Variants in PTPN23 observed in about 807,000 individuals in gnomAD.
PTPN23 encodes the protein tyrosine-protein phosphatase non-receptor type 23.
A neutral mutation model predicts 156.3 loss-of-function variants in PTPN23; 72 were observed. The observed-to-expected ratio is 0.46, with a 90% confidence interval of 0.38 to 0.56. The LOEUF is 0.56. Ranked by LOEUF, PTPN23 falls within the 20% of genes least tolerant of loss-of-function variation. The pLI is 0.00. For synonymous variants in PTPN23, 957 were observed against 899.6 expected (o/e 1.06, Z -1.14); for missense variants, 1,974 against 2,171.5 (o/e 0.91, Z 1.81).
At position 47,397,129 on chromosome 3, in the gene PTPN23, G is replaced by A. The variant is rs997836364; in HGVS notation, c.159+912G>A. Among the ~76,000 whole-genome samples the A allele has an allele frequency of 2.0e-5, 3 of 152,142 alleles. No individual in the cohort carries two copies. In the South Asian group the frequency reaches 6.2e-4, roughly 32 times the overall value. ...CACACGGAACATTTATAAGTCTGCC[G>A]TCTTCTATGGGTGCAATTCATGGCA... is the stretch of plus-strand genomic sequence containing the variant. On this transcript the variant is annotated intron_variant, in intron 2 of 24. Transcript: ENST00000265562.
At chr3:47,398,567 T>G (rs942341186) in intron 2 of PTPN23, among the ~76,000 whole-genome samples, 6 of 151,808 alleles carry the variant, frequency 4.0e-5, no homozygotes, top group African/African-American at 9.7e-5. Flanking sequence ...ACTTAAAGTT[T>G]TTTTTTTTTT....
chr3:47,404,832 G>A, intron 3 of PTPN23, 53 bp downstream of exon 3: 3 of 1,596,132 alleles, frequency 1.9e-6, no homozygotes, highest in Non-Finnish European at 2.6e-6. Flanking sequence ...GGGTGGTGGG[G>A]GTGCTCCTCC....
intron 1 of PTPN23, among the ~76,000 whole-genome samples, chr3:47,382,081 A>C (rs1198157381): frequency 6.6e-6 from 1 of 152,210 alleles, no homozygotes; most frequent in Non-Finnish European, 1.5e-5. Flanking sequence ...TAGATGGTGC[A>C]CCACTTAGCG....
intron 1 of PTPN23, among the ~76,000 whole-genome samples, chr3:47,393,566 G>A (rs543148061): frequency 3.3e-5 from 5 of 152,206 alleles, no homozygotes; most frequent in Admixed American, 2.0e-4. Flanking sequence ...CACTTTTCCC[G>A]GACACATCTC....
rs1245282528 is a variant in PTPN23 at position 47,412,283 on chromosome 3, C to G, written c.4179C>G (p.Ser1393Arg). ...PLHTPIIVHC[S>R]SGVGRTGAFA... The stretch of plus-strand genomic sequence containing the variant: ...GCCTCATAACCCCTTCTTGGCACAG[C>G]TCTGGTGTGGGCCGCACGGGAGCCT... Residue 1393 changes from serine to arginine, a missense_variant and splice_region_variant, in exon 23 of 25, where the codon AGC becomes AGG. Physicochemically the swap from Ser to Arg is moderately radical, Grantham distance 110 (BLOSUM62 -1). Around this residue, in one of 4 missense-constraint regions of PTPN23, gnomAD observed 484 missense variants for 516.0 expected, o/e 0.94. Coordinates refer to ENST00000265562, the MANE Select transcript of PTPN23 (RefSeq NM_015466.4). The G allele has an allele frequency of 6.2e-7, 1 of 1,613,218 alleles. No individual in the cohort carries two copies. Among genetic ancestry groups the G allele is most frequent in the South Asian group, 1.1e-5 (1 of 91,076 alleles).
At position 47,410,721 on chromosome 3, in the gene PTPN23, C is replaced by T; in HGVS notation, c.2923C>T (p.Pro975Ser). 1.3e-6 allele frequency: 2 copies of T among 1,584,952 alleles called. No individual in the cohort carries two copies. Among genetic ancestry groups the T allele is most frequent in the Non-Finnish European group, 1.7e-6 (2 of 1,165,874 alleles). The part of the protein sequence containing the change: ...QAFGPQPPQQ[P>S]LPLQHPHLFP... ...GTTTGGGCCTCAGCCCCCACAGCAG[C>T]CCCTTCCACTCCAGCATCCACATCT... Residue 975 changes from proline (P) to serine (S), a missense_variant, in exon 20 of 25, where the codon CCC becomes TCC. Physicochemically the swap from Pro to Ser is moderately conservative, Grantham distance 74. Transcript: ENST00000265562.
At position 47,410,046 on chromosome 3, in the gene PTPN23, CCT is replaced by C. The variant is rs767366095; in HGVS notation, c.2249_2250del (p.Pro750ArgfsTer10). The C allele has an allele frequency of 8.7e-6, 14 of 1,611,524 alleles. No individual in the cohort carries two copies. Among genetic ancestry groups the C allele is most frequent in the African/African-American group, 2.7e-5 (2 of 74,858 alleles). ...CCCTGAGGAGCTGCGCAGCCTCCCC[CCT>C]GACATGGTGGCTGGCCCACGACTGC... ...DPPEELRSLP[P>X]DMVAGPRLPD... On this transcript the variant is annotated frameshift_variant, in exon 20 of 25. Transcript: ENST00000265562. LOFTEE classifies it high-confidence loss of function.
chr3:47,408,080 C>A, intron 14 of PTPN23, 125 bp downstream of exon 14: 1 of 1,230,330 alleles, frequency 8.1e-7, no homozygotes, highest in Non-Finnish European at 1.2e-6. Flanking sequence ...CCCAATGCTG[C>A]CTTCCCGCCT....
Position 47,407,074 on chromosome 3 carries a change from G to A in PTPN23, c.808-56G>A. The A allele has an allele frequency of 6.2e-7, 1 of 1,609,218 alleles. No individual in the cohort carries two copies. Among genetic ancestry groups the A allele is most frequent in the South Asian group, 1.1e-5 (1 of 90,918 alleles). On this transcript the variant is annotated intron_variant, in intron 9 of 24. Transcript: ENST00000265562. The surrounding 1 kb of genome is among the most constrained non-coding windows in gnomAD (Gnocchi z 4.0). ...AGGCAGGGCCGGGTGGGAGGCAGGA[G>A]GAGAAAGGGTCCAAGCAGAGGAGGA...
chr3:47,381,208 A>G (rs1704529272), intron 1 of PTPN23, 28 bp downstream of exon 1: 1 of 1,559,086 alleles, frequency 6.4e-7, no homozygotes. Context: ...CTTCCCCCCT[A>G]TCCGCCGCGT....
rs936432877 is a variant in PTPN23 at position 47,395,182 on chromosome 3, G to A, written c.85-961G>A. Among the ~76,000 whole-genome samples, 6 of 152,170 alleles carry A rather than the reference G, an allele frequency of 3.9e-5. No individual in the cohort carries two copies. The South Asian group carries it at 1.2e-3, about 31-fold the overall frequency. ...CTGGGAAGGGACCTCAGGAAAGATG[G>A]GTGGGCCACACACATGGTGTGAGTG... On this transcript the variant is annotated intron_variant, in intron 1 of 24. Coordinates refer to ENST00000265562, the MANE Select transcript of PTPN23 (RefSeq NM_015466.4).
chr3:47,396,464 A>T lies in PTPN23; in HGVS notation c.159+247A>T, dbSNP rs148733841. On this transcript the variant is annotated intron_variant, in intron 2 of 24. Coordinates refer to ENST00000265562, the MANE Select transcript of PTPN23 (RefSeq NM_015466.4). ...GTGTCATGTGCCTGTAGTTCCGGCTACTCAGGAGTCTGAAGCAGGATAATT... is the reference window on the plus strand; with the variant it reads ...GTGTCATGTGCCTGTAGTTCCGGCTTCTCAGGAGTCTGAAGCAGGATAATT... 3.9e-3 allele frequency among the ~76,000 whole-genome samples: 587 copies of T among 152,270 alleles called. 4 individuals carry two copies. The highest frequency in any genetic ancestry group is 6.8e-3 in the Middle Eastern group (2 of 294).
At chr3:47,383,960 A>T (rs1329299688) in intron 1 of PTPN23, among the ~76,000 whole-genome samples, 1 of 152,168 alleles carries the variant, frequency 6.6e-6, no homozygotes, top group African/African-American at 2.4e-5. Flanking sequence ...GTCCTGCTTT[A>T]TGCTTGCTCT....
chr3:47,409,760 G>A lies in PTPN23; in HGVS notation c.2055G>A (p.Lys685=). ...GRDFYADLES[K]VAALLERTQS... is the part of the protein sequence containing the mutation. ...ACTTCTACGCAGATCTGGAGAGCAA[G>A]GTGGCTGCTCTGCTGGAGCGCACGC... is the stretch of plus-strand genomic sequence containing the variant. Residue 685 remains lysine (K), a synonymous_variant, in exon 19 of 25, where the codon AAG becomes AAA. Coordinates refer to ENST00000265562, the MANE Select transcript of PTPN23 (RefSeq NM_015466.4). 6.2e-7 allele frequency: 1 copy of A among 1,607,812 alleles called. No individual in the cohort carries two copies. The highest frequency in any genetic ancestry group is 2.2e-5 in the East Asian group (1 of 44,856).
intron 14 of PTPN23, 87 bp downstream of exon 14, chr3:47,408,042 G>A (rs1189153887): frequency 1.4e-6 from 2 of 1,444,038 alleles, no homozygotes; most frequent in African/African-American, 2.8e-5. Context: ...GCTGGGAGAG[G>A]AATGAAATGT....
intron 2 of PTPN23, among the ~76,000 whole-genome samples, chr3:47,403,621 C>A (rs1279060477): frequency 6.6e-6 from 1 of 152,148 alleles, no homozygotes; most frequent in Non-Finnish European, 1.5e-5. Flanking sequence ...CTTAACCTCC[C>A]AGGCTCAATC....
chr3:47,405,995 C>T lies in PTPN23; in HGVS notation c.495C>T (p.Tyr165=), dbSNP rs1307226054. 1.2e-6 allele frequency: 2 copies of T among 1,613,790 alleles called. No homozygotes were observed. The highest frequency in any genetic ancestry group is 1.7e-6 in the Non-Finnish European group (2 of 1,179,962). Residue 165 remains tyrosine (Y), a synonymous_variant, in exon 6 of 25, where the codon TAC becomes TAT. Coordinates refer to ENST00000265562, the MANE Select transcript of PTPN23 (RefSeq NM_015466.4). This position sits in a 1 kb window ranked among gnomAD's most constrained non-coding sequence, Gnocchi z 4.7. ...TACGGGAGCACTTCCCTCAAGCCTA[C>T]AGCGTCGACATGAGCCGCCAGATCC... ...AYLREHFPQA[Y]SVDMSRQILT... is the part of the protein sequence containing the mutation.
chr3:47,408,531 A>T, intron 15 of PTPN23, 41 bp downstream of exon 15: 1 of 1,584,882 alleles, frequency 6.3e-7, no homozygotes, highest in South Asian at 1.1e-5. Flanking sequence ...GGGAGTGTGG[A>T]GGTCATCTGC....
At chr3:47,384,894 C>T (rs543272521) in intron 1 of PTPN23, among the ~76,000 whole-genome samples, 2 of 152,096 alleles carry the variant, frequency 1.3e-5, no homozygotes, top group Non-Finnish European at 2.9e-5. Flanking sequence ...TCCCAAGTAG[C>T]TAGGATTACA....
Sources: gnomAD v4.1 joint callset for allele counts (sites outside exome capture counted in the v4.1 genomes callset) on GRCh38, gnomAD v4.1.1 for gene constraint, gnomAD v4.1.1 regional missense constraint, Gnocchi (gnomAD v3.1) non-coding constraint, MANE v1.5 for transcripts, NCBI Gene and HGNC (gene_info 2026-07-23, HGNC 2026-07-21) for gene names.